Variants in SNX29 observed in about 807,000 individuals in gnomAD.
SNX29 encodes sorting nexin-29.
A neutral mutation model predicts 102.1 loss-of-function variants in SNX29; 78 were observed. That is an observed-to-expected ratio of 0.76 (90% CI 0.64 to 0.92). The LOEUF (loss-of-function observed/expected upper bound fraction) is 0.92. SNX29 is among the 40% of genes least tolerant of loss of function. The pLI is 0.00. For missense variants in SNX29, 1,280 were observed against 1,061.7 expected (o/e 1.21, Z -2.86); for synonymous variants, 580 against 414.5 (o/e 1.40, Z -4.85).
intron 11 of SNX29, among the ~76,000 whole-genome samples, chr16:12,109,583 T>G (rs1420267569): frequency 6.6e-6 from 1 of 152,068 alleles, no homozygotes; most frequent in East Asian, 1.9e-4. Flanking sequence ...GTCCTAATTG[T>G]CTACATCCGG....
chr16:12,304,178 T>TG (rs1401004154), intron 15 of SNX29, among the ~76,000 whole-genome samples: 4 of 149,068 alleles, frequency 2.7e-5, no homozygotes, highest in African/African-American at 1.0e-4. Flanking sequence ...ATCACTGTTT[T>TG]TTGTTTTTTT....
intron 14 of SNX29, among the ~76,000 whole-genome samples, chr16:12,200,551 T>G (rs561185191): frequency 2.6e-5 from 4 of 152,178 alleles, no homozygotes; most frequent in African/African-American, 9.6e-5. Flanking sequence ...GGCACAATCT[T>G]GGCTCACTGC....
At chr16:12,381,304 TC>T in intron 16 of SNX29, among the ~76,000 whole-genome samples, 1 of 81,254 alleles carries the variant, frequency 1.2e-5, no homozygotes, top group Non-Finnish European at 2.4e-5. Flanking sequence ...CCACCCATTA[TC>T]CATCTACCCA....
chr16:12,069,118 T>C lies in SNX29; in HGVS notation c.1305T>C (p.Pro435=). The part of the protein sequence containing the change: ...TGPEDHVLPD[P]GLRYSVEASS... ...CAGAGGACCACGTTCTCCCAGATCC[T>C]GGACTTCGGTACAGGTTAATATTGA... is the stretch of plus-strand genomic sequence containing the variant. The change falls in exon 10 of 21, where the codon CCT becomes CCC. Residue 435 remains proline (P), a synonymous_variant. Transcript: ENST00000566228. 1 of 1,613,516 alleles carries C rather than the reference T, an allele frequency of 6.2e-7. No homozygotes were observed. The highest frequency in any genetic ancestry group is 8.5e-7 in the Non-Finnish European group (1 of 1,179,522).
chr16:12,038,910 T>G (rs1246019529), intron 4 of SNX29: 1 of 152,234 alleles, frequency 6.6e-6, no homozygotes, highest in Non-Finnish European at 1.5e-5. Context: ...CCTGGTTTCT[T>G]GAGTGAGGCG....
chr16:12,472,693 G>C (rs982122618), intron 18 of SNX29, among the ~76,000 whole-genome samples: 1 of 152,110 alleles, frequency 6.6e-6, no homozygotes, highest in Non-Finnish European at 1.5e-5. Flanking sequence ...GCGTCTCCTT[G>C]AGACCTTATC....
chr16:12,462,492 G>C (rs2086850851), intron 18 of SNX29, among the ~76,000 whole-genome samples: 1 of 152,058 alleles, frequency 6.6e-6, no homozygotes, highest in South Asian at 2.1e-4. Context: ...TGGAAATCTT[G>C]AAAGAAGATA....
intron 13 of SNX29, among the ~76,000 whole-genome samples, chr16:12,169,302 C>T (rs1469787144): frequency 6.6e-6 from 1 of 152,204 alleles, no homozygotes; most frequent in Non-Finnish European, 1.5e-5. Flanking sequence ...GCAAGTGACG[C>T]CGCCTGGTTT....
chr16:12,535,873 A>G (rs965939231), intron 20 of SNX29, among the ~76,000 whole-genome samples: 1 of 152,150 alleles, frequency 6.6e-6, no homozygotes, highest in African/African-American at 2.4e-5. Flanking sequence ...GGTGCTGTCC[A>G]AGGTCCTACC....
chr16:12,217,031 C>G (rs774709812), intron 14 of SNX29, among the ~76,000 whole-genome samples: 1 of 152,076 alleles, frequency 6.6e-6, no homozygotes, highest in South Asian at 2.1e-4. Flanking sequence ...TGCTGGGTTT[C>G]TTTTGTTTTT....
chr16:12,476,417 T>TATATATATATATATACAC (rs2087635330), intron 18 of SNX29, among the ~76,000 whole-genome samples: 1 of 23,968 alleles, frequency 4.2e-5, no homozygotes, highest in South Asian at 2.2e-3. Flanking sequence ...TATATACATA[T>TATATATATATATATACAC]ATATATATAT....
At chr16:12,409,250 T>G (rs1264027652) in intron 18 of SNX29, among the ~76,000 whole-genome samples, 4 of 152,210 alleles carry the variant, frequency 2.6e-5, no homozygotes, top group Non-Finnish European at 5.9e-5. Flanking sequence ...GTACCTTGTT[T>G]TGCTGGGTTT....
rs181677802 is a variant in SNX29 at position 12,182,554 on chromosome 16, G to C, written c.1596-17047G>C. ...AGTGATTCCTTCAGCACTCAGGGTA[G>C]TACTGAGGTGGCAGGAGCTCCGCAC... On this transcript the variant is annotated intron_variant, in intron 13 of 20. Transcript: ENST00000566228. 2.0e-5 allele frequency among the ~76,000 whole-genome samples: 3 copies of C among 152,280 alleles called. No homozygotes were observed. In the East Asian group the frequency reaches 5.8e-4, roughly 29 times the overall value.
chr16:12,025,361 A>G (rs1284221162), intron 3 of SNX29, among the ~76,000 whole-genome samples: 2 of 151,418 alleles, frequency 1.3e-5, no homozygotes, highest in Admixed American at 6.6e-5. Flanking sequence ...ATGCACATCT[A>G]TAATAATTAA....
intron 13 of SNX29, among the ~76,000 whole-genome samples, chr16:12,198,386 T>A (rs1294271910): frequency 6.8e-6 from 1 of 148,066 alleles, no homozygotes; most frequent in Non-Finnish European, 1.5e-5. Context: ...TATTTCAAGG[T>A]ATTGGGGTCT....
intron 18 of SNX29, among the ~76,000 whole-genome samples, chr16:12,453,639 C>T (rs1250657436): frequency 6.6e-6 from 1 of 152,056 alleles, no homozygotes; most frequent in Admixed American, 6.6e-5. Flanking sequence ...CCTCAGCCTC[C>T]CAAATTGCTG....
intron 20 of SNX29, among the ~76,000 whole-genome samples, chr16:12,538,720 G>A (rs1355110624): frequency 6.6e-6 from 1 of 152,140 alleles, no homozygotes; most frequent in African/African-American, 2.4e-5. Flanking sequence ...GTACATCAGG[G>A]AGCACAGACA....
intron 14 of SNX29, among the ~76,000 whole-genome samples, chr16:12,247,850 C>T (rs2078304341): frequency 6.6e-6 from 1 of 152,198 alleles, no homozygotes; most frequent in Non-Finnish European, 1.5e-5. Flanking sequence ...TAGTCCAACC[C>T]TGCAGTTGTA....
intron 19 of SNX29, chr16:12,515,705 C>G (rs144660645): frequency 8.9e-6 from 4 of 447,172 alleles, no homozygotes; most frequent in African/African-American, 4.0e-5. Context: ...CTTGTTGGCT[C>G]TACTGGATCT....
Sources: allele counts gnomAD v4.1 joint callset (sites outside exome capture counted in the v4.1 genomes callset), GRCh38; gene constraint gnomAD v4.1.1; transcripts MANE v1.5; gene names NCBI Gene and HGNC (gene_info 2026-07-23, HGNC 2026-07-21).